The following MYOF variants were observed in gnomAD, a reference collection of about 807,000 sequenced individuals.
MYOF encodes fer-1-like 3, myoferlin.
Under a neutral mutation model 284.2 loss-of-function variants are expected in MYOF, and 244 were observed. That is an observed-to-expected ratio of 0.86 (90% CI 0.77 to 0.95). The LOEUF (loss-of-function observed/expected upper bound fraction) is 0.95, where lower values mean the gene tolerates loss of function less well. Among genes scored for constraint, MYOF ranks in the 40% least tolerant of loss-of-function variants. The probability of loss-of-function intolerance (pLI) is 0.00; values close to 1 mark genes in which losing one functional copy is unlikely to be tolerated. For synonymous variants in MYOF, 904 were observed against 919.7 expected, an observed-to-expected ratio of 0.98 and a Z score of 0.31; for missense variants, 2,496 against 2,560.6, an observed-to-expected ratio of 0.97 and a Z score of 0.54.
At chr10:93,328,741 C>G (rs908266696) in intron 45 of MYOF, 22 bp downstream of exon 45, 1 of 1,600,370 alleles carries the variant, frequency 6.2e-7, no homozygotes, top group African/African-American at 1.3e-5. Context: ...TACCAGTTTA[C>G]AATCCACAGC....
chr10:93,358,004 G>C (rs1170336474), intron 29 of MYOF, among the ~76,000 whole-genome samples: 6 of 152,186 alleles, frequency 3.9e-5, no homozygotes, highest in African/African-American at 1.2e-4. Context: ...ACTATCATCA[G>C]AGTGAACAGA....
intron 1 of MYOF, among the ~76,000 whole-genome samples, chr10:93,475,780 CAGCACCCCTA>C (rs1234414281): frequency 6.6e-6 from 1 of 152,198 alleles, no homozygotes; most frequent in Admixed American, 6.5e-5. Context: ...AGACAAATAC[CAGCACCCCTA>C]AGCTGAGGGC....
chr10:93,401,601 C>T (rs1847296222), intron 11 of MYOF, 57 bp from the exon 12 acceptor site: 1 of 1,584,718 alleles, frequency 6.3e-7, no homozygotes, highest in African/African-American at 1.3e-5. Context: ...TTGGAAAAAG[C>T]CAAATTAATG....
In MYOF at chr10:93,356,838, T is replaced by G; in HGVS notation, c.3131A>C (p.Glu1044Ala). 6.2e-7 allele frequency: 1 copy of G among 1,612,370 alleles called. No individual in the cohort carries two copies. Among genetic ancestry groups the G allele is most frequent in the Non-Finnish European group, 8.5e-7 (1 of 1,179,626 alleles). Residue 1044 changes from glutamate to alanine, a missense_variant, in exon 30 of 54, where the codon GAA becomes GCA. Around this residue, in one of 3 missense-constraint regions of MYOF, gnomAD observed 2,436 missense variants for 2,480.7 expected, o/e 0.98. Transcript: ENST00000359263. Reference sequence around the variant, plus strand: ...TTCCCAGCCCTCTTGGTCTTGCAATTCCTCCATGGCCTAAAACAGAAGTAA... The same window carrying G: ...TTCCCAGCCCTCTTGGTCTTGCAATGCCTCCATGGCCTAAAACAGAAGTAA... Reference protein sequence around the residue: ...TASSTARAMEELQDQEGWEYA... With the variant: ...TASSTARAMEALQDQEGWEYA...
Position 93,409,697 on chromosome 10 carries a change from T to A in MYOF, c.476A>T (p.Asn159Ile). 6.2e-7 allele frequency: 1 copy of A among 1,614,180 alleles called. No homozygotes were observed. The highest frequency in any genetic ancestry group is 8.5e-7 in the Non-Finnish European group (1 of 1,180,034). The change falls in exon 6 of 54, where the codon AAT (asparagine) becomes ATT (isoleucine). Residue 159 changes from asparagine to isoleucine, a missense_variant. Transcript: ENST00000359263. ...CTTGGGCCCAGGGCCCCTGACTGCATTGTCCAACCTGTCTTCATCACCTTC... is the reference window on the plus strand; with the variant it reads ...CTTGGGCCCAGGGCCCCTGACTGCAATGTCCAACCTGTCTTCATCACCTTC... ...EDEGDEDRLD[N>I]AVRGPGPKGP...
At chr10:93,428,566 A>AACACACACACACACAC (rs58503520) in intron 4 of MYOF, among the ~76,000 whole-genome samples, 5 of 143,826 alleles carry the variant, frequency 3.5e-5, no homozygotes, top group Non-Finnish European at 6.0e-5. Flanking sequence ...ACATCTGGTA[A>AACACACACACACACAC]ACACACACAC....
intron 3 of MYOF, among the ~76,000 whole-genome samples, chr10:93,441,338 C>T (rs116518140): frequency 6.7e-4 from 102 of 152,228 alleles, no homozygotes; most frequent in African/African-American, 2.3e-3. Context: ...TTATTCCAAA[C>T]GCAGTCTTTT....
At chr10:93,394,651 G>T (rs111373857) in intron 16 of MYOF, among the ~76,000 whole-genome samples, 3 of 148,288 alleles carry the variant, frequency 2.0e-5, no homozygotes, top group Non-Finnish European at 4.5e-5. Context: ...TAATGGAGAC[G>T]GGGTTTCACC....
intron 1 of MYOF, among the ~76,000 whole-genome samples, chr10:93,480,140 G>A (rs867105600): frequency 3.9e-5 from 6 of 152,134 alleles, no homozygotes; most frequent in East Asian, 1.9e-4. Flanking sequence ...TCTCTATTAT[G>A]TAACTGCTTC....
At chr10:93,443,576 C>A (rs540603577) in intron 3 of MYOF, among the ~76,000 whole-genome samples, 23 of 152,066 alleles carry the variant, frequency 1.5e-4, no homozygotes, top group African/African-American at 4.8e-4. Flanking sequence ...AGACTCCCAC[C>A]TGCACCTCTC....
At chr10:93,459,111 C>G (rs2056815628) in intron 1 of MYOF, among the ~76,000 whole-genome samples, 1 of 152,212 alleles carries the variant, frequency 6.6e-6, no homozygotes, top group Non-Finnish European at 1.5e-5. Context: ...GCTGGTTCTG[C>G]CTGTGCTCTC....
chr10:93,343,705 A>T, intron 38 of MYOF, 151 bp downstream of exon 38: 1 of 741,600 alleles, frequency 1.3e-6, no homozygotes, highest in Non-Finnish European at 2.3e-6. Flanking sequence ...TGCAAGATTT[A>T]GACTCTTGTC....
intron 2 of MYOF, among the ~76,000 whole-genome samples, chr10:93,454,532 G>T (rs968132112): frequency 1.3e-5 from 2 of 152,172 alleles, no homozygotes; most frequent in African/African-American, 4.8e-5. Context: ...TTGGAGTTCT[G>T]TCAGGTGCTA....
chr10:93,355,157 A>G (rs192119876), intron 31 of MYOF, among the ~76,000 whole-genome samples: 7 of 152,346 alleles, frequency 4.6e-5, no homozygotes, highest in African/African-American at 1.2e-4. Context: ...ATGGTTTTCA[A>G]CTGTAGTTTT....
At chr10:93,409,501 C>G in intron 6 of MYOF, 72 bp downstream of exon 6, 1 of 1,537,832 alleles carries the variant, frequency 6.5e-7, no homozygotes, top group Non-Finnish European at 8.8e-7. Flanking sequence ...TCCACTGAAA[C>G]ATCACTGCAA....
intron 25 of MYOF, among the ~76,000 whole-genome samples, chr10:93,368,300 C>T (rs545702248): frequency 6.6e-6 from 1 of 152,330 alleles, no homozygotes; most frequent in Non-Finnish European, 1.5e-5. Context: ...GTATGTTTCC[C>T]ACACATTCTA....
intron 37 of MYOF, among the ~76,000 whole-genome samples, chr10:93,345,217 A>G (rs1051741160): frequency 6.6e-6 from 1 of 152,242 alleles, no homozygotes; most frequent in African/African-American, 2.4e-5. Context: ...GCACTGAGCT[A>G]AACACTTTAC....
intron 39 of MYOF, 106 bp downstream of exon 39, chr10:93,340,047 T>G: frequency 7.8e-7 from 1 of 1,289,522 alleles, no homozygotes; most frequent in Non-Finnish European, 1.1e-6. Flanking sequence ...GCCACTGCAC[T>G]CCAGCCTGGG....
intron 17 of MYOF, among the ~76,000 whole-genome samples, chr10:93,390,350 A>G (rs1185120474): frequency 6.6e-6 from 1 of 152,226 alleles, no homozygotes; most frequent in East Asian, 1.9e-4. Flanking sequence ...CTGAATAGCA[A>G]TCTCAGTGAA....
Sources: gnomAD v4.1 joint callset for allele counts (sites outside exome capture counted in the v4.1 genomes callset) on GRCh38, gnomAD v4.1.1 for gene constraint, gnomAD v4.1.1 regional missense constraint, MANE v1.5 for transcripts, NCBI Gene and HGNC (gene_info 2026-07-23, HGNC 2026-07-21) for gene names.